Variants in SLC24A3 observed in about 807,000 individuals in gnomAD.
SLC24A3 encodes the protein sodium/potassium/calcium exchanger 3.
A neutral mutation model predicts 75.8 loss-of-function variants in SLC24A3; 28 were observed. That is an observed-to-expected ratio of 0.37 (90% CI 0.27 to 0.51). The LOEUF (loss-of-function observed/expected upper bound fraction) is 0.51. Ranked by LOEUF, SLC24A3 falls within the 20% of genes least tolerant of loss-of-function variation. The pLI is 0.94. For missense variants in SLC24A3, 663 were observed against 847.8 expected (o/e 0.78, Z 2.71); for synonymous variants, 372 against 334.1 (o/e 1.11, Z -1.24).
chr20:19,444,078 T>C (rs1987340021), intron 2 of SLC24A3, among the ~76,000 whole-genome samples: 1 of 152,254 alleles, frequency 6.6e-6, no homozygotes, highest in Non-Finnish European at 1.5e-5. Flanking sequence ...TTTTTCTGCA[T>C]CTATTGATAA....
Position 19,223,555 on chromosome 20 carries a change from C to T in SLC24A3, c.142+10571C>T, listed in dbSNP as rs113660617. 6.1e-3 allele frequency among the ~76,000 whole-genome samples: 932 copies of T among 152,144 alleles called. 9 individuals are homozygous for T. Among genetic ancestry groups the T allele is most frequent in the African/African-American group, 0.021 (885 of 41,490 alleles). ...TACATACACTGTGTTTTTTCCTATACCTATATAACCATGATAAAGTTTAAT... is the reference window on the plus strand; with the variant it reads ...TACATACACTGTGTTTTTTCCTATATCTATATAACCATGATAAAGTTTAAT... On this transcript the variant is annotated intron_variant, in intron 1 of 16. Transcript: ENST00000328041.
At chr20:19,252,643 C>CG (rs35974779) in intron 1 of SLC24A3, among the ~76,000 whole-genome samples, 19,430 of 133,274 alleles carry the variant, frequency 0.15, 2,640 homozygotes, top group African/African-American at 0.33. Context: ...ATTGGAATGG[C>CG]GGGGGGGGGT....
rs115721017 is a variant in SLC24A3, at chr20:19,215,023, A to G, written c.142+2039A>G. Among the ~76,000 whole-genome samples the G allele has an allele frequency of 7.9e-3, 1,199 of 152,268 alleles. 11 individuals are homozygous for G. The highest frequency in any genetic ancestry group is 0.023 in the African/African-American group (960 of 41,556). The stretch of plus-strand genomic sequence containing the variant: ...GACATATGAGTTGAAATGGTCTCCA[A>G]TCACTTTTTTTTCCGTTAGGTATTG... On this transcript the variant is annotated intron_variant, in intron 1 of 16. Coordinates refer to ENST00000328041, the MANE Select transcript of SLC24A3 (RefSeq NM_020689.4).
chr20:19,600,840 T>C (rs2031518521), intron 6 of SLC24A3, among the ~76,000 whole-genome samples: 1 of 152,226 alleles, frequency 6.6e-6, no homozygotes, highest in Admixed American at 6.5e-5. Flanking sequence ...TAAAATGTTT[T>C]TGTAGTGACA....
In SLC24A3 at chr20:19,717,504, CCTAACT is replaced by C; in HGVS notation, c.1720-18_1720-13del. Reference sequence around the variant, plus strand: ...CTTTGGAAGCCTAGCTTGTCAGAAGCCTAACTCTAACCCTCTCTTACAGATCCGGCT... The same window carrying C: ...CTTTGGAAGCCTAGCTTGTCAGAAGCCTAACCCTCTCTTACAGATCCGGCT... On this transcript the variant is annotated intron_variant, in intron 15 of 16. Coordinates refer to ENST00000328041, the MANE Select transcript of SLC24A3 (RefSeq NM_020689.4). 1.9e-6 allele frequency: 3 copies of C among 1,612,946 alleles called. No individual in the cohort carries two copies. Among genetic ancestry groups the C allele is most frequent in the Non-Finnish European group, 2.5e-6 (3 of 1,179,238 alleles).
intron 2 of SLC24A3, among the ~76,000 whole-genome samples, chr20:19,418,583 A>G: frequency 6.6e-6 from 1 of 152,054 alleles, no homozygotes; most frequent in South Asian, 2.1e-4. Context: ...ATCAAAGAAA[A>G]ATACAAGAAA....
chr20:19,693,711 A>G (rs1188121824), intron 13 of SLC24A3: 2 of 330,058 alleles, frequency 6.1e-6, no homozygotes, highest in Admixed American at 4.3e-5. Flanking sequence ...GGTGGGGTCC[A>G]TGTCTACTCC....
At chr20:19,354,588 A>ATGTGTGTG (rs569362767) in intron 2 of SLC24A3, among the ~76,000 whole-genome samples, 11 of 136,348 alleles carry the variant, frequency 8.1e-5, no homozygotes, top group South Asian at 4.6e-4. Context: ...AAATTTGTGT[A>ATGTGTGTG]TGTGTGTGTG....
chr20:19,473,391 T>A (rs774769013), intron 2 of SLC24A3, among the ~76,000 whole-genome samples: 50 of 152,368 alleles, frequency 3.3e-4, no homozygotes, highest in African/African-American at 1.2e-3. Context: ...TGCACCACAC[T>A]GCCTGCCCAG....
chr20:19,424,697 C>T (rs1283692128), intron 2 of SLC24A3, among the ~76,000 whole-genome samples: 2 of 139,512 alleles, frequency 1.4e-5, no homozygotes, highest in East Asian at 2.1e-4. Flanking sequence ...CCACAGCACT[C>T]CAGCCTGGGC....
chr20:19,505,716 T>A (rs1198778191), intron 2 of SLC24A3, among the ~76,000 whole-genome samples: 1 of 152,164 alleles, frequency 6.6e-6, no homozygotes, highest in African/African-American at 2.4e-5. Flanking sequence ...CACCCACCTT[T>A]CATCAGACTT....
intron 6 of SLC24A3, among the ~76,000 whole-genome samples, chr20:19,641,778 T>C (rs2122698368): frequency 6.6e-6 from 1 of 152,264 alleles, no homozygotes; most frequent in African/African-American, 2.4e-5. Flanking sequence ...CATGAGTATT[T>C]CATAAAGCTT....
intron 6 of SLC24A3, among the ~76,000 whole-genome samples, chr20:19,633,606 G>A (rs1025073081): frequency 4.7e-5 from 6 of 126,452 alleles, no homozygotes; most frequent in African/African-American, 1.2e-4. Context: ...CCGAGATCCC[G>A]CCACTGCACT....
At chr20:19,673,125 C>T (rs956237585) in intron 8 of SLC24A3, among the ~76,000 whole-genome samples, 1 of 152,334 alleles carries the variant, frequency 6.6e-6, no homozygotes, top group African/African-American at 2.4e-5. Context: ...ACCTTCCCTG[C>T]CCAGGTTCCG....
chr20:19,611,968 G>T (rs1169311706), intron 6 of SLC24A3, among the ~76,000 whole-genome samples: 1 of 152,118 alleles, frequency 6.6e-6, no homozygotes, highest in Non-Finnish European at 1.5e-5. Context: ...GCCCACCTTG[G>T]TTGCTTTTTC....
chr20:19,359,142 G>A (rs1985741715), intron 2 of SLC24A3, among the ~76,000 whole-genome samples: 1 of 152,152 alleles, frequency 6.6e-6, no homozygotes, highest in Admixed American at 6.5e-5. Context: ...TCCCAGGAGT[G>A]GAACTGTGGG....
At chr20:19,245,563 G>C (rs1243500027) in intron 1 of SLC24A3, among the ~76,000 whole-genome samples, 1 of 151,924 alleles carries the variant, frequency 6.6e-6, no homozygotes, top group African/African-American at 2.4e-5. Flanking sequence ...GAATTACTAA[G>C]ATAATACATT....
chr20:19,559,332 G>A (rs200247387), intron 3 of SLC24A3, among the ~76,000 whole-genome samples: 6 of 151,918 alleles, frequency 3.9e-5, no homozygotes, highest in African/African-American at 9.7e-5. Flanking sequence ...TGTGTTGTAC[G>A]TATTCTTTAT....
At position 19,692,462 on chromosome 20, in the gene SLC24A3, C is replaced by T. The variant is rs188480190; in HGVS notation, c.1325-797C>T. Among the ~76,000 whole-genome samples, 100 of 152,196 alleles carry T rather than the reference C, an allele frequency of 6.6e-4. No homozygotes were observed. The Middle Eastern group carries it at 0.01, about 16-fold the overall frequency. ...CACAGCAATTAAAAGGAATGGATCA[C>T]GCAACATGAATGAATCTCAATCACA... On this transcript the variant is annotated intron_variant, in intron 12 of 16. Coordinates refer to ENST00000328041, the MANE Select transcript of SLC24A3 (RefSeq NM_020689.4).
Sources: gnomAD v4.1 joint callset for allele counts (sites outside exome capture counted in the v4.1 genomes callset) on GRCh38, gnomAD v4.1.1 for gene constraint, MANE v1.5 for transcripts, NCBI Gene and HGNC (gene_info 2026-07-23, HGNC 2026-07-21) for gene names.